Variants in OTOG observed in about 807,000 individuals in gnomAD.
The protein encoded by OTOG is otogelin.
OTOG carries 296 observed loss-of-function variants against 313.8 expected under a neutral mutation model. The observed-to-expected ratio is 0.94, with a 90% CI of 0.86 to 1.04. OTOG has a LOEUF of 1.04. Among genes scored for constraint, OTOG ranks in the 50% least tolerant of loss-of-function variants. OTOG has a pLI of 0.00. For missense variants in OTOG, 3,948 were observed against 3,840.1 expected (o/e 1.03, Z -0.74); for synonymous variants, 1,533 against 1,554.9 (o/e 0.99, Z 0.33).
At chr11:17,619,918 A>G (rs959809630) in intron 39 of OTOG, among the ~76,000 whole-genome samples, 6 of 152,146 alleles carry the variant, frequency 3.9e-5, no homozygotes, top group Non-Finnish European at 5.9e-5. Context: ...TTTAACACTT[A>G]TGTAGTACAG....
intron 25 of OTOG, 31 bp downstream of exon 25, chr11:17,591,619 C>G (rs572096075): frequency 6.5e-7 from 1 of 1,549,188 alleles, no homozygotes; most frequent in South Asian, 1.2e-5. Context: ...GCCCAGTTGG[C>G]TCCATGCACA....
Position 17,610,960 on chromosome 11 carries a change from T to A in OTOG, c.5660T>A (p.Val1887Asp), listed in dbSNP as rs1244606334. 1 of 1,550,036 alleles carries A rather than the reference T, an allele frequency of 6.5e-7. No homozygotes were observed. Among genetic ancestry groups the A allele is most frequent in the Non-Finnish European group, 8.7e-7 (1 of 1,146,892 alleles). The change falls in exon 36 of 56, where the codon GTC (valine) becomes GAC (aspartate). Residue 1887 changes from valine to aspartate, a missense_variant. Val to Asp is a radical substitution (Grantham distance 152). Coordinates refer to ENST00000399397, the MANE Select transcript of OTOG (RefSeq NM_001292063.2). ...LLGATLPTSG[V>D]LPVAEGTASM... is the part of the protein sequence containing the mutation. ...GGAGCCACATTGCCAACCTCTGGAG[T>A]CCTGCCTGTGGCTGAGGGCACGGCC...
intron 24 of OTOG, 67 bp from the exon 25 acceptor site, chr11:17,591,381 GCT>G: frequency 1.3e-6 from 2 of 1,531,348 alleles, no homozygotes; most frequent in South Asian, 2.4e-5. Context: ...ATAAGCCATG[GCT>G]CTGTCATGAG....
In OTOG at chr11:17,547,660, G is replaced by A. The variant is rs1327882418; in HGVS notation, c.94+194G>A. 8 of 1,071,814 alleles carry A rather than the reference G, an allele frequency of 7.5e-6. No homozygotes were observed. The East Asian group carries it at 1.9e-4, about 26-fold the overall frequency. 66.4% of individuals were successfully genotyped at this position (1,071,814 alleles called of 1,614,324 possible). A position where few individuals can be genotyped will look rare whatever the true frequency, so the allele number is the denominator to read the frequency against. ...CAGAGGCAGGCCTATGACCGCGGGGGAAAGAGTCCAAAGTTAGGCTGGGTG... is the reference window on the plus strand; with the variant it reads ...CAGAGGCAGGCCTATGACCGCGGGGAAAAGAGTCCAAAGTTAGGCTGGGTG... On this transcript the variant is annotated intron_variant, in intron 1 of 55. Coordinates refer to ENST00000399397, the MANE Select transcript of OTOG (RefSeq NM_001292063.2).
intron 30 of OTOG, among the ~76,000 whole-genome samples, chr11:17,598,828 A>G (rs1853175119): frequency 1.3e-5 from 2 of 152,210 alleles, no homozygotes; most frequent in African/African-American, 4.8e-5. Flanking sequence ...AGGGAGAGGC[A>G]GGCACGTGCC....
intron 39 of OTOG, among the ~76,000 whole-genome samples, chr11:17,621,831 C>T (rs1221542123): frequency 2.0e-5 from 3 of 152,112 alleles, no homozygotes; most frequent in African/African-American, 4.8e-5. Context: ...CAACTGTTCA[C>T]GTTGGAAAAC....
chr11:17,571,783 G>A (rs771783816), intron 17 of OTOG, among the ~76,000 whole-genome samples: 61 of 152,060 alleles, frequency 4.0e-4, no homozygotes, highest in African/African-American at 1.2e-3. Flanking sequence ...GTGCGTGCGC[G>A]CACGCATGCA....
intron 18 of OTOG, 40 bp from the exon 19 acceptor site, chr11:17,573,038 G>C: frequency 6.7e-7 from 1 of 1,492,518 alleles, no homozygotes; most frequent in Non-Finnish European, 9.1e-7. Context: ...CAGGTAGACC[G>C]ACTCCCCTGA....
At chr11:17,641,756 G>A (rs1017387541) in intron 51 of OTOG, 91 bp from the exon 52 acceptor site, 5 of 928,062 alleles carry the variant, frequency 5.4e-6, no homozygotes, top group African/African-American at 1.7e-5. Flanking sequence ...GGTCCTTCCA[G>A]GCTCTGGGAT....
chr11:17,608,018 C>A (rs148323281), intron 33 of OTOG, among the ~76,000 whole-genome samples: 101 of 152,250 alleles, frequency 6.6e-4, no homozygotes, highest in Non-Finnish European at 1.3e-3. Flanking sequence ...ACTCCAACTG[C>A]CGGGGCCAGA....
intron 40 of OTOG, among the ~76,000 whole-genome samples, chr11:17,630,004 C>A (rs556147528): frequency 2.6e-4 from 39 of 152,224 alleles, no homozygotes; most frequent in Non-Finnish European, 3.4e-4. Context: ...CACACACACA[C>A]CCTCCATCCT....
At chr11:17,576,464 C>T in intron 20 of OTOG, 92 bp from the exon 21 acceptor site, 3 of 967,158 alleles carry the variant, frequency 3.1e-6, no homozygotes, top group Non-Finnish European at 3.2e-6. Context: ...TCCTTATGCA[C>T]CTGGTTGGCT....
rs1414362939 is a variant in OTOG at position 17,599,655 on chromosome 11, G to A, written c.3683-16G>A. On this transcript the variant is annotated splice_polypyrimidine_tract_variant and intron_variant, in intron 30 of 55. Coordinates refer to ENST00000399397, the MANE Select transcript of OTOG (RefSeq NM_001292063.2). ...CTGGGCTGGCTCTCAGGAAGTTCCT[G>A]TTCTCTCTCTTTCAGCGTATGACTG... is the stretch of plus-strand genomic sequence containing the variant. 8.3e-5 allele frequency: 129 copies of A among 1,550,606 alleles called. No individual in the cohort carries two copies. Among genetic ancestry groups the A allele is most frequent in the East Asian group, 8.1e-4 (33 of 40,910 alleles).
Position 17,596,871 on chromosome 11 carries a change from C to A in OTOG, c.3546C>A (p.Tyr1182Ter), listed in dbSNP as rs1038769707. 9.7e-6 allele frequency: 15 copies of A among 1,551,012 alleles called. 1 individual carries two copies. In the East Asian group the frequency reaches 2.9e-4, roughly 30 times the overall value. The change falls in exon 30 of 56, where the codon TAC becomes TAA. Residue 1182 changes from tyrosine (Y) to a stop codon, truncating the protein, a stop_gained. Transcript: ENST00000399397. LOFTEE classifies it high-confidence loss of function. ...CHPVVDVTWF[Y>*]SNCLTDTCGC... ...TCCAGGTTGATGTCACTTGGTTTTA[C>A]TCAAACTGCCTGACAGACACATGTG...
chr11:17,548,289 T>C, intron 3 of OTOG, 77 bp downstream of exon 3: 1 of 1,326,072 alleles, frequency 7.5e-7, no homozygotes, highest in Non-Finnish European at 1.0e-6. Context: ...CAGGGAGCTC[T>C]GTAGGTTACA....
At chr11:17,608,581 T>A (rs540067580) in intron 34 of OTOG, among the ~76,000 whole-genome samples, 168 bp downstream of exon 34, 28 of 152,330 alleles carry the variant, frequency 1.8e-4, no homozygotes, top group African/African-American at 5.1e-4. Context: ...TATGTGACTA[T>A]CTATTTGTGC....
intron 31 of OTOG, among the ~76,000 whole-genome samples, chr11:17,600,867 A>C (rs976878934): frequency 5.3e-5 from 8 of 150,908 alleles, no homozygotes; most frequent in Non-Finnish European, 1.2e-4. Flanking sequence ...CCACCCACCC[A>C]CTCACCCATC....
intron 39 of OTOG, among the ~76,000 whole-genome samples, chr11:17,620,919 A>G (rs1443841627): frequency 1.3e-5 from 2 of 152,206 alleles, no homozygotes; most frequent in East Asian, 3.8e-4. Context: ...CATCTCAGAC[A>G]TGATATTTTT....
In OTOG at chr11:17,596,104, AAGG is replaced by A. The variant is rs1853096487; in HGVS notation, c.3478_3480del (p.Glu1160del). 1 of 1,550,598 alleles carries A rather than the reference AAGG, an allele frequency of 6.4e-7. No homozygotes were observed. The highest frequency in any genetic ancestry group is 1.4e-5 in the African/African-American group (1 of 73,022). On this transcript the variant is annotated inframe_deletion, in exon 29 of 56. Transcript: ENST00000399397. ...TCCTCTCCGAGAACCATTTGCCAAG[AAGG>A]AGTGCAGCATCCTGCTCAGTGAGGT...
Sources: gnomAD v4.1 joint callset for allele counts (sites outside exome capture counted in the v4.1 genomes callset) on GRCh38, gnomAD v4.1.1 for gene constraint, MANE v1.5 for transcripts, NCBI Gene and HGNC (gene_info 2026-07-23, HGNC 2026-07-21) for gene names.